PTPRJ: variants seen among roughly 807,000 people sequenced by gnomAD.
PTPRJ encodes the protein protein tyrosine phosphatase receptor type J, also known as receptor-type tyrosine-protein phosphatase eta.
A neutral mutation model predicts 141.3 loss-of-function variants in PTPRJ; 129 were observed. The observed-to-expected ratio is 0.91, with a 90% CI of 0.79 to 1.06. The LOEUF (loss-of-function observed/expected upper bound fraction) is 1.06. Among genes scored for constraint, PTPRJ ranks in the 50% least tolerant of loss-of-function variants. PTPRJ has a pLI of 0.00. For missense variants in PTPRJ, 1,601 were observed against 1,679.7 expected, an observed-to-expected ratio of 0.95 and a Z score of 0.82; for synonymous variants, 610 against 640.5, an observed-to-expected ratio of 0.95 and a Z score of 0.72.
At chr11:48,022,821 A>G (rs1488677012) in intron 1 of PTPRJ, among the ~76,000 whole-genome samples, 2 of 152,100 alleles carry the variant, frequency 1.3e-5, no homozygotes, top group East Asian at 1.9e-4. Flanking sequence ...GTTTCTGATA[A>G]ACAAAGAAGT....
At chr11:48,122,911 G>A (rs1487449802) in intron 4 of PTPRJ, among the ~76,000 whole-genome samples, 1 of 152,130 alleles carries the variant, frequency 6.6e-6, no homozygotes, top group Admixed American at 6.5e-5. Context: ...CTGCAGCCCT[G>A]GGTTCTCCTG....
chr11:48,030,204 G>A (rs1322401720), intron 1 of PTPRJ, among the ~76,000 whole-genome samples: 1 of 152,118 alleles, frequency 6.6e-6, no homozygotes, highest in Admixed American at 6.5e-5. Flanking sequence ...TTTTTGCTTT[G>A]GGCTTATGTT....
chr11:47,996,130 G>A (rs1441108587), intron 1 of PTPRJ, among the ~76,000 whole-genome samples: 2 of 151,654 alleles, frequency 1.3e-5, no homozygotes, highest in African/African-American at 4.8e-5. Flanking sequence ...TCAGGAGATC[G>A]AGACCATCCT....
intron 1 of PTPRJ, among the ~76,000 whole-genome samples, chr11:48,032,947 G>A (rs1196087417): frequency 6.6e-6 from 1 of 151,982 alleles, no homozygotes; most frequent in Non-Finnish European, 1.5e-5. Context: ...GCTGGGTGCA[G>A]TGGCTCACGC....
chr11:48,134,274 T>C (rs1380350871), intron 8 of PTPRJ, among the ~76,000 whole-genome samples: 1 of 152,258 alleles, frequency 6.6e-6, no homozygotes, highest in African/African-American at 2.4e-5. Flanking sequence ...TTACTCAGTC[T>C]ATACCACAAC....
At position 48,168,133 on chromosome 11, in the gene PTPRJ, T is replaced by C. The variant is rs1857963559; in HGVS notation, c.*771T>C. 1 of 152,104 alleles carries C rather than the reference T, an allele frequency of 6.6e-6. No homozygotes were observed. The highest frequency in any genetic ancestry group is 1.5e-5 in the Non-Finnish European group (1 of 68,026). The allele number at this position is 152,104 out of a possible 1,614,324, so 9.4% of individuals were successfully genotyped here. ...TCCCAGTTTTCTCCAAAGACTCTTC[T>C]GTTGGCAACATTTTCAACCCATTGG... is the stretch of plus-strand genomic sequence containing the variant. On this transcript the variant is annotated 3_prime_UTR_variant, in exon 25 of 25. Transcript: ENST00000418331.
intron 1 of PTPRJ, among the ~76,000 whole-genome samples, chr11:48,019,987 A>C (rs953680837): frequency 6.6e-6 from 1 of 152,190 alleles, no homozygotes; most frequent in Non-Finnish European, 1.5e-5. Flanking sequence ...AAATGAAATG[A>C]ATAGTTGGGT....
chr11:48,065,001 T>C lies in PTPRJ; in HGVS notation c.97-45057T>C, dbSNP rs190831660. On this transcript the variant is annotated intron_variant, in intron 1 of 24. Coordinates refer to ENST00000418331, the MANE Select transcript of PTPRJ (RefSeq NM_002843.4). Reference sequence around the variant, plus strand: ...GGGGCTGAGACCTGTTTTCCTCAACTACCTTTTTTTTTTTTTTTTTTTTTT... The same window carrying C: ...GGGGCTGAGACCTGTTTTCCTCAACCACCTTTTTTTTTTTTTTTTTTTTTT... Among the ~76,000 whole-genome samples the C allele has an allele frequency of 9.0e-3, 1,249 of 139,192 alleles. 9 individuals carry two copies. Among genetic ancestry groups the C allele is most frequent in the Non-Finnish European group, 0.015 (964 of 64,318 alleles). 91.3% of individuals were successfully genotyped at this position (139,192 alleles called of 152,430 possible).
intron 1 of PTPRJ, among the ~76,000 whole-genome samples, chr11:48,014,943 T>A (rs1854912681): frequency 6.6e-6 from 1 of 152,114 alleles, no homozygotes; most frequent in African/African-American, 2.4e-5. Flanking sequence ...TGACCTCAGG[T>A]GATCTGCCTG....
chr11:48,154,363 C>A (rs1436263048), intron 19 of PTPRJ, among the ~76,000 whole-genome samples: 5 of 152,222 alleles, frequency 3.3e-5, no homozygotes, highest in Non-Finnish European at 5.9e-5. Flanking sequence ...GAGTGAATTC[C>A]ACAGCTAAGT....
intron 1 of PTPRJ, among the ~76,000 whole-genome samples, chr11:47,997,261 T>A (rs1854362476): frequency 6.6e-6 from 1 of 152,226 alleles, no homozygotes; most frequent in Non-Finnish European, 1.5e-5. Context: ...CTACCCTTGC[T>A]GTAGGTAATA....
In PTPRJ at chr11:48,158,666, A is replaced by G. The variant is rs1857672764; in HGVS notation, c.3439-1264A>G. 6.6e-6 allele frequency among the ~76,000 whole-genome samples: 1 copy of G among 152,186 alleles called. No homozygotes were observed. The highest frequency in any genetic ancestry group is 2.1e-4 in the South Asian group (1 of 4,832). ...GAACCCAGGCATCTCTTTTTAAACA[A>G]AACAAGGCCAGGCACAGAGGCTCAG... On this transcript the variant is annotated intron_variant, in intron 21 of 24. Coordinates refer to ENST00000418331, the MANE Select transcript of PTPRJ (RefSeq NM_002843.4). The surrounding 1 kb of genome is among the most constrained non-coding windows in gnomAD (Gnocchi z 4.4).
intron 1 of PTPRJ, among the ~76,000 whole-genome samples, chr11:48,035,470 G>T (rs1366611774): frequency 1.3e-5 from 2 of 151,800 alleles, no homozygotes; most frequent in African/African-American, 4.8e-5. Context: ...GGGATGATGG[G>T]TGGGGACCAT....
intron 5 of PTPRJ, 109 bp from the exon 6 acceptor site, chr11:48,124,859 A>G: frequency 1.0e-6 from 1 of 992,132 alleles, no homozygotes. Context: ...TGGAGCACCA[A>G]CTGTGGCCAC....
At chr11:48,005,502 A>C (rs1389451332) in intron 1 of PTPRJ, among the ~76,000 whole-genome samples, 1 of 152,214 alleles carries the variant, frequency 6.6e-6, no homozygotes, top group Non-Finnish European at 1.5e-5. Context: ...TTCAAGGTCC[A>C]TCCATGTTGG....
intron 21 of PTPRJ, among the ~76,000 whole-genome samples, chr11:48,156,733 T>C (rs1486753263): frequency 6.6e-6 from 1 of 151,814 alleles, no homozygotes; most frequent in Non-Finnish European, 1.5e-5. Flanking sequence ...ACTACAGGCG[T>C]GCACCACATG....
At chr11:48,159,116 A>G (rs143777209) in intron 21 of PTPRJ, among the ~76,000 whole-genome samples, 319 of 8,258 alleles carry the variant, frequency 0.039, no homozygotes, top group East Asian at 0.082. Context: ...GTGTGTGTGT[A>G]TGTGGGGTGT....
chr11:48,058,895 C>G (rs1375984706), intron 1 of PTPRJ, among the ~76,000 whole-genome samples: 3 of 152,118 alleles, frequency 2.0e-5, no homozygotes, highest in Non-Finnish European at 2.9e-5. Flanking sequence ...CATTTTGTGC[C>G]TCCTCTGCCC....
At chr11:48,052,089 C>T (rs1854585960) in intron 1 of PTPRJ, among the ~76,000 whole-genome samples, 1 of 152,180 alleles carries the variant, frequency 6.6e-6, no homozygotes, top group East Asian at 1.9e-4. Flanking sequence ...AGAGTTTTGT[C>T]TTCTTCTGCA....
Sources: gnomAD v4.1 joint callset for allele counts (sites outside exome capture counted in the v4.1 genomes callset) on GRCh38, gnomAD v4.1.1 for gene constraint, Gnocchi (gnomAD v3.1) non-coding constraint, MANE v1.5 for transcripts, NCBI Gene and HGNC (gene_info 2026-07-23, HGNC 2026-07-21) for gene names.